ZMYM2: variants seen among roughly 807,000 people sequenced by gnomAD.
ZMYM2 encodes zinc finger MYM-type protein 2.
In ZMYM2, 56 loss-of-function variants were observed where a neutral mutation model predicts 162.8. That is an observed-to-expected ratio of 0.34 (90% confidence interval 0.28 to 0.43). The LOEUF (loss-of-function observed/expected upper bound fraction) is 0.43, where lower values mean the gene tolerates loss of function less well. ZMYM2 is among the 20% of genes least tolerant of loss of function. The probability of loss-of-function intolerance (pLI) is 1.00; values close to 1 mark genes in which losing one functional copy is unlikely to be tolerated. For synonymous variants in ZMYM2, 510 were observed against 541.6 expected, an observed-to-expected ratio of 0.94 and a Z score of 0.81; for missense variants, 1,275 against 1,621.8, an observed-to-expected ratio of 0.79 and a Z score of 3.67.
At chr13:19,961,431 T>C (rs1566156369) in intron 2 of ZMYM2, among the ~76,000 whole-genome samples, 3 of 152,256 alleles carry the variant, frequency 2.0e-5, no homozygotes, top group Admixed American at 1.3e-4. Context: ...CTAACTTGAA[T>C]GAATATAACA....
the ZMYM2 span, among the ~76,000 whole-genome samples, chr13:19,869,577 C>G: frequency 6.6e-6 from 1 of 151,992 alleles, no homozygotes; most frequent in African/African-American, 2.4e-5. Flanking sequence ...CACTTGAGCC[C>G]AAGAGTTTCA....
chr13:19,962,698 A>G (rs912892040), intron 2 of ZMYM2, among the ~76,000 whole-genome samples: 2 of 149,918 alleles, frequency 1.3e-5, no homozygotes, highest in African/African-American at 2.5e-5. Flanking sequence ...CCAATTTTGT[A>G]TTTTTAGTAG....
At chr13:19,932,334 C>T in the ZMYM2 span, among the ~76,000 whole-genome samples, 5 of 152,102 alleles carry the variant, frequency 3.3e-5, no homozygotes, top group Admixed American at 6.6e-5. Context: ...GCCCATGATC[C>T]GATTAGCGCA....
At chr13:19,923,407 A>T in the ZMYM2 span, among the ~76,000 whole-genome samples, 1 of 148,258 alleles carries the variant, frequency 6.7e-6, no homozygotes, top group Non-Finnish European at 1.5e-5. Context: ...CAGTGGTCTC[A>T]GTGCTTTCCA....
At chr13:20,013,557 A>C (rs1381683443) in intron 6 of ZMYM2, among the ~76,000 whole-genome samples, 1 of 152,174 alleles carries the variant, frequency 6.6e-6, no homozygotes, top group African/African-American at 2.4e-5. Context: ...CTGATGTTAG[A>C]ATGGGTTGTT....
intron 2 of ZMYM2, among the ~76,000 whole-genome samples, chr13:19,987,778 G>A (rs977925583): frequency 4.6e-5 from 7 of 151,966 alleles, no homozygotes; most frequent in African/African-American, 1.5e-4. Flanking sequence ...ACCGTGCCCA[G>A]CCTAATTTTT....
intron 1 of ZMYM2, among the ~76,000 whole-genome samples, chr13:19,959,465 C>T (rs952134911): frequency 6.6e-6 from 1 of 151,996 alleles, no homozygotes; most frequent in Non-Finnish European, 1.5e-5. Flanking sequence ...TAATGGCGGA[C>T]GGGGAGGCAG....
chr13:19,910,410 G>GCACTAC, the ZMYM2 span, among the ~76,000 whole-genome samples: 2 of 152,096 alleles, frequency 1.3e-5, no homozygotes, highest in Non-Finnish European at 2.9e-5. Flanking sequence ...ACCTATCTCG[G>GCACTAC]TTTACTGAAG....
At chr13:20,011,634 C>T (rs1951197381) in intron 6 of ZMYM2, among the ~76,000 whole-genome samples, 1 of 147,760 alleles carries the variant, frequency 6.8e-6, no homozygotes, top group Non-Finnish European at 1.5e-5. Flanking sequence ...GGCTGGAGTG[C>T]AATGGCACGA....
At chr13:19,993,997 G>C (rs1394481775) in intron 3 of ZMYM2, 78 bp downstream of exon 3, 3 of 1,456,446 alleles carry the variant, frequency 2.1e-6, no homozygotes, top group Non-Finnish European at 2.8e-6. Context: ...GTAGTAACTG[G>C]TATTACCTTG....
At chr13:20,003,650 T>C (rs536305162) in intron 4 of ZMYM2, among the ~76,000 whole-genome samples, 1 of 151,972 alleles carries the variant, frequency 6.6e-6, no homozygotes, top group East Asian at 1.9e-4. Context: ...TTTTTTTTTT[T>C]TAGGCAGAGT....
At chr13:20,070,573 C>T (rs768944869) in intron 21 of ZMYM2, 21 of 152,866 alleles carry the variant, frequency 1.4e-4, no homozygotes, top group Non-Finnish European at 1.9e-4. Flanking sequence ...AGCCCAGTGG[C>T]GCGATGTTGG....
the ZMYM2 span, among the ~76,000 whole-genome samples, chr13:19,914,606 G>A: frequency 1.3e-5 from 2 of 152,188 alleles, no homozygotes; most frequent in African/African-American, 2.4e-5. Context: ...CACTTACTCT[G>A]GGTACAAATT....
intron 2 of ZMYM2, among the ~76,000 whole-genome samples, chr13:19,977,900 G>A (rs1402724258): frequency 2.9e-5 from 4 of 139,828 alleles, no homozygotes; most frequent in East Asian, 2.1e-4. Flanking sequence ...TTTTTGAGAC[G>A]GGGTCTTGCT....
At chr13:19,883,729 G>C in the ZMYM2 span, among the ~76,000 whole-genome samples, 2 of 152,128 alleles carry the variant, frequency 1.3e-5, no homozygotes, top group Non-Finnish European at 1.5e-5. Flanking sequence ...CTTACTTCAA[G>C]ATGTTTGTAA....
the ZMYM2 span, among the ~76,000 whole-genome samples, chr13:19,892,567 G>C: frequency 6.6e-6 from 1 of 151,720 alleles, no homozygotes; most frequent in African/African-American, 2.4e-5. Context: ...GAGCCACCGC[G>C]CCTGTCCCAC....
intron 7 of ZMYM2, among the ~76,000 whole-genome samples, chr13:20,020,408 AT>A (rs1055002164): frequency 6.6e-6 from 1 of 151,670 alleles, no homozygotes; most frequent in Non-Finnish European, 1.5e-5. Flanking sequence ...CTAATTTTGT[AT>A]TTTTTTAGTA....
chr13:20,081,991 T>C, intron 21 of ZMYM2, 25 bp from the exon 22 acceptor site: 1 of 1,358,538 alleles, frequency 7.4e-7, no homozygotes, highest in South Asian at 1.4e-5. Context: ...CAAGAAAGTT[T>C]GTGGGGCTTT....
At chr13:19,943,228 G>A in the ZMYM2 span, among the ~76,000 whole-genome samples, 1 of 152,098 alleles carries the variant, frequency 6.6e-6, no homozygotes, top group African/African-American at 2.4e-5. Context: ...TTGCCTCTGT[G>A]TCCAAATTTC....
Sources: gnomAD v4.1 joint callset for allele counts (sites outside exome capture counted in the v4.1 genomes callset) on GRCh38, gnomAD v4.1.1 for gene constraint, MANE v1.5 for transcripts, NCBI Gene and HGNC (gene_info 2026-07-23, HGNC 2026-07-21) for gene names.